The following SLC14A2 variants were observed in gnomAD, a reference collection of about 807,000 sequenced individuals.
The protein encoded by SLC14A2 is urea transporter 2.
SLC14A2 carries 91 observed loss-of-function variants against 104.6 expected under a neutral mutation model. That is an observed-to-expected ratio of 0.87 (90% CI 0.73 to 1.04). The LOEUF is 1.04. Among genes scored for constraint, SLC14A2 ranks in the 50% least tolerant of loss-of-function variants. SLC14A2 has a pLI of 0.00. For missense variants in SLC14A2, 1,189 were observed against 1,156.0 expected (o/e 1.03, Z -0.41); for synonymous variants, 476 against 466.4 (o/e 1.02, Z -0.27).
chr18:45,257,894 C>A (rs75115282), intron 1 of SLC14A2, among the ~76,000 whole-genome samples: 11,782 of 152,234 alleles, frequency 0.077, 515 homozygotes, highest in African/African-American at 0.093. Flanking sequence ...AGCCACAGAA[C>A]ATCCTCTGGG....
chr18:45,282,991 G>C (rs1402979469), intron 1 of SLC14A2, among the ~76,000 whole-genome samples: 1 of 152,146 alleles, frequency 6.6e-6, no homozygotes, highest in African/African-American at 2.4e-5. Context: ...AACAGTGATG[G>C]ACCTCCGGCC....
At chr18:45,668,922 C>T (rs1298706741) in intron 15 of SLC14A2, among the ~76,000 whole-genome samples, 1 of 152,226 alleles carries the variant, frequency 6.6e-6, no homozygotes, top group Non-Finnish European at 1.5e-5. Flanking sequence ...GCCTGCTCTA[C>T]CCCATGTTGA....
chr18:45,273,477 C>G (rs1247012865), intron 1 of SLC14A2, among the ~76,000 whole-genome samples: 1 of 152,054 alleles, frequency 6.6e-6, no homozygotes, highest in Admixed American at 6.6e-5. Context: ...AAGAATTTCC[C>G]AGGAGAAAAG....
chr18:45,627,284 C>T (rs2045275108), intron 4 of SLC14A2, 137 bp downstream of exon 4: 3 of 682,140 alleles, frequency 4.4e-6, no homozygotes, highest in Middle Eastern at 3.3e-4. Context: ...AGGTCACTGA[C>T]AGTCCTTGCA....
At chr18:45,613,082 T>C (rs2044998361), upstream of SLC14A2, among the ~76,000 whole-genome samples, 3 of 152,198 alleles carry the variant, frequency 2.0e-5, no homozygotes, top group Non-Finnish European at 4.4e-5. Context: ...TCGCCCAGGC[T>C]GGAGTGCAGT....
chr18:45,491,678 G>A (rs1050704938), intron 2 of SLC14A2, among the ~76,000 whole-genome samples: 8 of 152,186 alleles, frequency 5.3e-5, no homozygotes, highest in Non-Finnish European at 7.3e-5. Flanking sequence ...ACCTTCCTCT[G>A]GTGGAAATGA....
chr18:45,496,822 T>C (rs1423151232), intron 2 of SLC14A2, among the ~76,000 whole-genome samples: 1 of 152,132 alleles, frequency 6.6e-6, no homozygotes, highest in Non-Finnish European at 1.5e-5. Flanking sequence ...TTGCTGGGCC[T>C]TCTGGCTGCC....
intron 1 of SLC14A2, among the ~76,000 whole-genome samples, chr18:45,317,960 C>T (rs956309374): frequency 1.3e-5 from 2 of 151,956 alleles, no homozygotes; most frequent in Non-Finnish European, 2.9e-5. Flanking sequence ...TGGAGCCCCA[C>T]CTTTGGAGCC....
chr18:45,320,008 C>G (rs1418159634), intron 1 of SLC14A2, among the ~76,000 whole-genome samples: 1 of 152,136 alleles, frequency 6.6e-6, no homozygotes, highest in Non-Finnish European at 1.5e-5. Context: ...TTGGAAAAAG[C>G]TTTCTTCCCA....
At chr18:45,603,930 C>T (rs1245677599) in intron 2 of SLC14A2, among the ~76,000 whole-genome samples, 1 of 152,198 alleles carries the variant, frequency 6.6e-6, no homozygotes. Flanking sequence ...ATTTGAAGAA[C>T]AGTCTTACTT....
chr18:45,673,833 A>G lies in SLC14A2; in HGVS notation c.2512+16A>G. The G allele has an allele frequency of 6.2e-7, 1 of 1,610,148 alleles. No individual in the cohort carries two copies. The highest frequency in any genetic ancestry group is 8.5e-7 in the Non-Finnish European group (1 of 1,176,694). ...ATCGCCTGCGGTAGGTACTCCCCAC[A>G]GAGGATTTGTTTCCTTTATAAAAGG... On this transcript the variant is annotated intron_variant, in intron 18 of 19. Coordinates refer to ENST00000255226, the MANE Select transcript of SLC14A2 (RefSeq NM_007163.4).
rs149565179 is a variant in SLC14A2, at chr18:45,350,890, A to G, written c.-124-132343A>G. 6.6e-4 allele frequency among the ~76,000 whole-genome samples: 101 copies of G among 152,324 alleles called. 1 individual carries two copies. The East Asian group carries it at 0.012, about 17-fold the overall frequency. ...AATTATAGGATGAGAGAAGGCAAGA[A>G]GCAAAAAATATAAATTTCACACTCA... is the stretch of plus-strand genomic sequence containing the variant. On this transcript the variant is annotated intron_variant, in intron 1 of 20. Transcript: ENST00000586448.
intron 2 of SLC14A2, among the ~76,000 whole-genome samples, chr18:45,494,091 G>A (rs577608826): frequency 8.5e-4 from 130 of 152,316 alleles, no homozygotes; most frequent in African/African-American, 2.8e-3. Flanking sequence ...CCTTGTTAGC[G>A]TTCTGTACTT....
chr18:45,503,769 C>G (rs1404469050), intron 2 of SLC14A2, among the ~76,000 whole-genome samples: 2 of 142,224 alleles, frequency 1.4e-5, no homozygotes, highest in African/African-American at 2.6e-5. Flanking sequence ...TCTCCAATAC[C>G]TCACCTGCTG....
intron 2 of SLC14A2, among the ~76,000 whole-genome samples, chr18:45,517,668 G>T (rs1013289182): frequency 6.6e-6 from 1 of 152,188 alleles, no homozygotes; most frequent in Non-Finnish European, 1.5e-5. Context: ...CCAATGCTTG[G>T]CTGGAAGTTG....
At chr18:45,521,352 G>T (rs2144809717) in intron 2 of SLC14A2, among the ~76,000 whole-genome samples, 1 of 152,304 alleles carries the variant, frequency 6.6e-6, no homozygotes, top group Middle Eastern at 3.4e-3. Flanking sequence ...TACTGGGAAT[G>T]CAGAATACAT....
chr18:45,258,661 T>C (rs1055844406), intron 1 of SLC14A2, among the ~76,000 whole-genome samples: 1 of 143,510 alleles, frequency 7.0e-6, no homozygotes, highest in Non-Finnish European at 1.5e-5. Flanking sequence ...ACCATTTTAA[T>C]AATCATCCTT....
chr18:45,388,202 A>G (rs560450174), intron 1 of SLC14A2, among the ~76,000 whole-genome samples: 4 of 148,386 alleles, frequency 2.7e-5, no homozygotes, highest in African/African-American at 7.5e-5. Context: ...CAGCCTCCCT[A>G]CAGGTGCCTG....
At chr18:45,623,019 C>T (rs544559675) in intron 1 of SLC14A2, among the ~76,000 whole-genome samples, 3 of 152,054 alleles carry the variant, frequency 2.0e-5, no homozygotes, top group Non-Finnish European at 4.4e-5. Context: ...TTTCACCATA[C>T]AAGCATGAGG....
Sources: allele counts gnomAD v4.1 joint callset (sites outside exome capture counted in the v4.1 genomes callset), GRCh38; gene constraint gnomAD v4.1.1; transcripts MANE v1.5; gene names NCBI Gene and HGNC (gene_info 2026-07-23, HGNC 2026-07-21).